The following VAC14 variants were observed in gnomAD, a reference collection of about 807,000 sequenced individuals.
VAC14 encodes protein VAC14 homolog.
Under a neutral mutation model 85.3 loss-of-function variants are expected in VAC14, and 47 were observed. That is an observed-to-expected ratio of 0.55 (90% CI 0.44 to 0.70). VAC14 has a LOEUF of 0.70. Among genes scored for constraint, VAC14 ranks in the 30% least tolerant of loss-of-function variants. The pLI is 0.00. For missense variants in VAC14, 861 were observed against 1,004.3 expected (o/e 0.86, Z 1.93); for synonymous variants, 447 against 430.5 (o/e 1.04, Z -0.47).
intron 13 of VAC14, among the ~76,000 whole-genome samples, chr16:70,744,137 C>T (rs537458883): frequency 2.6e-5 from 4 of 152,128 alleles, no homozygotes; most frequent in Non-Finnish European, 4.4e-5. Flanking sequence ...GACCAGCAGC[C>T]GACCCAGATG....
intron 13 of VAC14, among the ~76,000 whole-genome samples, chr16:70,734,252 C>A (rs983240596): frequency 1.4e-4 from 21 of 152,158 alleles, no homozygotes; most frequent in African/African-American, 5.1e-4. Context: ...AATCCTCCCG[C>A]CTCAGCCTCT....
chr16:70,729,450 GT>G (rs1163954503), intron 14 of VAC14, among the ~76,000 whole-genome samples: 1 of 152,018 alleles, frequency 6.6e-6, no homozygotes, highest in Non-Finnish European at 1.5e-5. Flanking sequence ...CATCCCCAGG[GT>G]GCCCTCAACT....
intron 8 of VAC14, among the ~76,000 whole-genome samples, chr16:70,781,362 T>A (rs2033801246): frequency 6.6e-6 from 1 of 152,194 alleles, no homozygotes; most frequent in African/African-American, 2.4e-5. Context: ...TATTCCTTTA[T>A]AGCAACGCAA....
intron 6 of VAC14, 77 bp from the exon 7 acceptor site, chr16:70,783,216 GT>G: frequency 6.7e-7 from 1 of 1,484,568 alleles, no homozygotes; most frequent in Non-Finnish European, 9.2e-7. Context: ...CCCCATTTCC[GT>G]GCTGGGTCAG....
chr16:70,726,690 G>T (rs8052171), intron 14 of VAC14, among the ~76,000 whole-genome samples: 2,495 of 152,282 alleles, frequency 0.016, 63 homozygotes, highest in African/African-American at 0.057. Context: ...TGGAGGGAGT[G>T]GGGGTACAGC....
chr16:70,691,342 T>C, intron 18 of VAC14: 1 of 985,314 alleles, frequency 1.0e-6, no homozygotes, highest in Non-Finnish European at 1.2e-6. Flanking sequence ...CCTTCCTGCC[T>C]CCTCCCTGCT....
chr16:70,779,384 A>T (rs1427150144), intron 9 of VAC14, among the ~76,000 whole-genome samples: 2 of 152,326 alleles, frequency 1.3e-5, no homozygotes, highest in African/African-American at 4.8e-5. Flanking sequence ...TAAAGATCTG[A>T]GTAGGCTTAG....
chr16:70,772,726 T>C (rs948156163), intron 9 of VAC14: 1 of 152,302 alleles, frequency 6.6e-6, no homozygotes, highest in Non-Finnish European at 1.5e-5. Flanking sequence ...CTCCTAGGTA[T>C]ATGCCAAAGA....
intron 10 of VAC14, among the ~76,000 whole-genome samples, chr16:70,767,035 C>G (rs1271683744): frequency 6.6e-6 from 1 of 152,168 alleles, no homozygotes; most frequent in Non-Finnish European, 1.5e-5. Context: ...TGCATCAGTT[C>G]CAAAAAGTCT....
intron 14 of VAC14, among the ~76,000 whole-genome samples, chr16:70,702,885 C>T (rs2053856827): frequency 1.3e-5 from 2 of 152,226 alleles, no homozygotes. Flanking sequence ...GCTCCACTCG[C>T]AGTGTCATGC....
chr16:70,790,694 C>T (rs577716272), intron 1 of VAC14, among the ~76,000 whole-genome samples: 4 of 152,190 alleles, frequency 2.6e-5, no homozygotes, highest in Admixed American at 2.6e-4. Flanking sequence ...TTGCAAAGAG[C>T]AAATGTCTTC....
chr16:70,752,946 G>A (rs1008978492), intron 12 of VAC14, among the ~76,000 whole-genome samples: 1 of 152,148 alleles, frequency 6.6e-6, no homozygotes, highest in Non-Finnish European at 1.5e-5. Context: ...GAGAGGGTCT[G>A]AGTGGACGGG....
At chr16:70,763,943 C>G (rs1027897064) in intron 10 of VAC14, among the ~76,000 whole-genome samples, 1 of 152,136 alleles carries the variant, frequency 6.6e-6, no homozygotes, top group Non-Finnish European at 1.5e-5. Flanking sequence ...GAGGGGCTCC[C>G]TTCCTACCGA....
chr16:70,785,643 G>C, intron 3 of VAC14, 59 bp downstream of exon 3: 1 of 1,497,418 alleles, frequency 6.7e-7, no homozygotes, highest in Non-Finnish European at 9.0e-7. Context: ...GTTCCAGAAG[G>C]TCAAGTGAGG....
At chr16:70,740,870 G>C (rs959556836) in intron 13 of VAC14, among the ~76,000 whole-genome samples, 1 of 152,254 alleles carries the variant, frequency 6.6e-6, no homozygotes, top group African/African-American at 2.4e-5. Context: ...GGCCAGGCGA[G>C]AGGAAAATCC....
chr16:70,736,156 G>A (rs937790425), intron 13 of VAC14, among the ~76,000 whole-genome samples: 1 of 152,204 alleles, frequency 6.6e-6, no homozygotes, highest in African/African-American at 2.4e-5. Flanking sequence ...GGGGCAGTAG[G>A]AAGCACTGAG....
At chr16:70,689,705 C>T in intron 18 of VAC14, 1 of 985,632 alleles carries the variant, frequency 1.0e-6, no homozygotes, top group South Asian at 4.7e-5. Context: ...TAGCGGGGCT[C>T]AGCTGACTTT....
chr16:70,791,807 G>A (rs1160725648), intron 1 of VAC14, among the ~76,000 whole-genome samples: 1 of 152,236 alleles, frequency 6.6e-6, no homozygotes, highest in Non-Finnish European at 1.5e-5. Flanking sequence ...TGTCAAGACG[G>A]GCAGGGGTGA....
intron 12 of VAC14, chr16:70,755,210 C>T (rs991115495): frequency 8.6e-6 from 3 of 348,814 alleles, no homozygotes; most frequent in South Asian, 2.1e-5. Flanking sequence ...ATGGAGAGGG[C>T]TTCTGGACTG....
Sources: allele counts gnomAD v4.1 joint callset (sites outside exome capture counted in the v4.1 genomes callset), GRCh38; gene constraint gnomAD v4.1.1; transcripts MANE v1.5; gene names NCBI Gene and HGNC (gene_info 2026-07-23, HGNC 2026-07-21).